The following ACTL8 variants were observed in gnomAD, a reference collection of about 807,000 sequenced individuals.
ACTL8 encodes the protein actin-like protein 8.
In ACTL8, 3 loss-of-function variants were observed where a neutral mutation model predicts 9.3. That is an observed-to-expected ratio of 0.32 (90% CI 0.15 to 0.83). The LOEUF (loss-of-function observed/expected upper bound fraction) is 0.83. ACTL8 is among the 40% of genes least tolerant of loss of function. ACTL8 has a pLI of 0.57. For missense variants in ACTL8, 381 were observed against 492.2 expected (o/e 0.77, Z 2.14); for synonymous variants, 224 against 205.9 (o/e 1.09, Z -0.75).
intron 1 of ACTL8, among the ~76,000 whole-genome samples, chr1:17,763,511 G>A (rs562918409): frequency 1.3e-5 from 2 of 152,176 alleles, no homozygotes; most frequent in Non-Finnish European, 2.9e-5. Flanking sequence ...CACTTCTGCG[G>A]GACCCTCGGC....
At chr1:17,797,551 T>G (rs896123278) in intron 1 of ACTL8, among the ~76,000 whole-genome samples, 4 of 152,200 alleles carry the variant, frequency 2.6e-5, no homozygotes, top group African/African-American at 9.6e-5. Context: ...GCATTGTGAC[T>G]CTGCAGGCGG....
chr1:17,768,602 C>T (rs908547847), intron 1 of ACTL8, among the ~76,000 whole-genome samples: 3 of 152,138 alleles, frequency 2.0e-5, no homozygotes, highest in Non-Finnish European at 2.9e-5. Context: ...AGCCAGTGAA[C>T]GGGCTGGGCT....
chr1:17,792,633 C>T (rs1478838589), intron 1 of ACTL8, among the ~76,000 whole-genome samples: 1 of 152,238 alleles, frequency 6.6e-6, no homozygotes, highest in Non-Finnish European at 1.5e-5. Context: ...GGGCCCTGCT[C>T]ATCCTGCCAT....
At chr1:17,800,434 A>G (rs542798528) in intron 1 of ACTL8, among the ~76,000 whole-genome samples, 5 of 152,144 alleles carry the variant, frequency 3.3e-5, no homozygotes, top group Admixed American at 3.3e-4. Flanking sequence ...TATAGATGAT[A>G]TTATCTTAAA....
intron 1 of ACTL8, among the ~76,000 whole-genome samples, chr1:17,819,977 C>T (rs1251389050): frequency 6.6e-6 from 1 of 152,040 alleles, no homozygotes; most frequent in Non-Finnish European, 1.5e-5. Context: ...CCACTGCCCT[C>T]CAGCCTGCGC....
At chr1:17,781,460 A>G (rs2066154456) in intron 1 of ACTL8, among the ~76,000 whole-genome samples, 1 of 151,958 alleles carries the variant, frequency 6.6e-6, no homozygotes, top group Non-Finnish European at 1.5e-5. Flanking sequence ...GCTGGTCTTG[A>G]ACTCCTGACC....
intron 1 of ACTL8, among the ~76,000 whole-genome samples, chr1:17,766,303 C>T (rs1295928038): frequency 1.3e-5 from 2 of 152,280 alleles, no homozygotes; most frequent in South Asian, 2.1e-4. Flanking sequence ...GTAGCAGCCT[C>T]GTGAGGCTGG....
chr1:17,792,254 C>A (rs530573164), intron 1 of ACTL8, among the ~76,000 whole-genome samples: 14 of 152,336 alleles, frequency 9.2e-5, no homozygotes, highest in African/African-American at 3.4e-4. Context: ...CGACTCTGAC[C>A]TTCCTAACGG....
chr1:17,817,727 G>A lies in ACTL8; in HGVS notation c.-24-5258G>A, dbSNP rs1225670090. ...TTTCTTTTCTTTTTTTCGAGATGGA[G>A]TCTCACTCTGTCACCCAGGCTGGAG... On this transcript the variant is annotated intron_variant, in intron 1 of 2. Coordinates refer to ENST00000375406, the MANE Select transcript of ACTL8 (RefSeq NM_030812.3). 6.7e-5 allele frequency among the ~76,000 whole-genome samples: 10 copies of A among 149,400 alleles called. No homozygotes were observed. In the East Asian group the frequency reaches 2.0e-3, roughly 30 times the overall value.
chr1:17,767,076 T>C lies in ACTL8; in HGVS notation c.-25+11572T>C, dbSNP rs2102676226. Among the ~76,000 whole-genome samples the C allele has an allele frequency of 6.6e-6, 1 of 152,056 alleles. No individual in the cohort carries two copies. Among genetic ancestry groups the C allele is most frequent in the African/African-American group, 2.4e-5 (1 of 41,470 alleles). On this transcript the variant is annotated intron_variant, in intron 1 of 2. Coordinates refer to ENST00000375406, the MANE Select transcript of ACTL8 (RefSeq NM_030812.3). This position sits in a 1 kb window ranked among gnomAD's most constrained non-coding sequence, Gnocchi z 4.7. ...CGGGAACAGAGAGTGATGAAGAAGG[T>C]GACTTTGGCCACAGTGGTCAGGGAC...
intron 1 of ACTL8, among the ~76,000 whole-genome samples, chr1:17,807,477 T>C (rs760766582): frequency 1.8e-4 from 27 of 152,238 alleles, no homozygotes; most frequent in Non-Finnish European, 2.9e-4. Flanking sequence ...CTCCTAGAGT[T>C]GTGCTGGGGA....
intron 1 of ACTL8, among the ~76,000 whole-genome samples, chr1:17,789,359 A>G (rs59234263): frequency 0.034 from 5,137 of 152,256 alleles, 284 homozygotes; most frequent in African/African-American, 0.12. Flanking sequence ...CTTCTCACAT[A>G]TCACCCCTTA....
At chr1:17,764,906 C>G (rs2066033235) in intron 1 of ACTL8, among the ~76,000 whole-genome samples, 1 of 152,144 alleles carries the variant, frequency 6.6e-6, no homozygotes. Flanking sequence ...CCTAGTGGCT[C>G]AAGATGGCAC....
intron 1 of ACTL8, among the ~76,000 whole-genome samples, chr1:17,771,718 G>T (rs929421175): frequency 5.9e-5 from 9 of 152,016 alleles, no homozygotes; most frequent in African/African-American, 1.9e-4. Flanking sequence ...ACTGCCTTGG[G>T]CATAGTTGAG....
At chr1:17,814,609 A>G (rs570491689) in intron 1 of ACTL8, among the ~76,000 whole-genome samples, 2 of 151,642 alleles carry the variant, frequency 1.3e-5, no homozygotes, top group East Asian at 2.0e-4. Flanking sequence ...ACGCAGTACC[A>G]GTTCATAGCA....
At chr1:17,787,995 A>G (rs184311138) in intron 1 of ACTL8, among the ~76,000 whole-genome samples, 5 of 152,270 alleles carry the variant, frequency 3.3e-5, no homozygotes, top group Admixed American at 2.6e-4. Context: ...TTCCCTGACA[A>G]GCAGGGGGGC....
At position 17,800,504 on chromosome 1, in the gene ACTL8, T is replaced by C. The variant is rs151226324; in HGVS notation, c.-24-22481T>C. Among the ~76,000 whole-genome samples the C allele has an allele frequency of 7.8e-4, 118 of 152,176 alleles. No individual in the cohort carries two copies. The Middle Eastern group carries it at 0.01, about 13-fold the overall frequency. On this transcript the variant is annotated intron_variant, in intron 1 of 2. Transcript: ENST00000375406. ...AGTTATTTTACGTGATGTTTCTCCT[T>C]TGCCCTACTGCCCTTGCCGGGACTT... is the stretch of plus-strand genomic sequence containing the variant.
Position 17,755,416 on chromosome 1 carries a change from C to A in ACTL8, c.-113C>A, listed in dbSNP as rs375417595. ...GCTGAGTTCGGCAGCTCACACAGCA[C>A]CCCTTTCAAGTTGTTTTGCAGTGGG... is the stretch of plus-strand genomic sequence containing the variant. On this transcript the variant is annotated 5_prime_UTR_variant, in exon 1 of 3. Transcript: ENST00000375406. 2.0e-5 allele frequency: 3 copies of A among 152,360 alleles called. No individual in the cohort carries two copies. In the East Asian group the frequency reaches 5.8e-4, roughly 29 times the overall value. 9.4% of individuals were successfully genotyped at this position (152,360 alleles called of 1,614,324 possible).
chr1:17,826,277 C>G lies in ACTL8; in HGVS notation c.859C>G (p.Leu287Val), dbSNP rs761008927. 1.7e-5 allele frequency: 28 copies of G among 1,611,250 alleles called. No individual in the cohort carries two copies. Among genetic ancestry groups the G allele is most frequent in the Non-Finnish European group, 2.4e-5 (28 of 1,178,018 alleles). The change falls in exon 3 of 3, where the codon CTG becomes GTG. Residue 287 changes from leucine (L) to valine (V), a missense_variant. By Grantham distance (32) the Leu-to-Val change is conservative (BLOSUM62 1). Transcript: ENST00000375406. The surrounding 1 kb of genome is among the most constrained non-coding windows in gnomAD (Gnocchi z 4.5). Reference sequence around the variant, plus strand: ...ATCCGTGGAGTCCTGCGAGATCTCCCTGCGCCCCCTGCTGGTCTCCCACGT... The same window carrying G: ...ATCCGTGGAGTCCTGCGAGATCTCCGTGCGCCCCCTGCTGGTCTCCCACGT... ...VESVESCEISLRPLLVSHVMA... is the reference protein window; with the variant it reads ...VESVESCEISVRPLLVSHVMA...
Sources: allele counts gnomAD v4.1 joint callset (sites outside exome capture counted in the v4.1 genomes callset), GRCh38; gene constraint gnomAD v4.1.1; non-coding constraint Gnocchi (gnomAD v3.1); transcripts MANE v1.5; gene names NCBI Gene and HGNC (gene_info 2026-07-23, HGNC 2026-07-21).